CSMD3: variants seen among roughly 807,000 people sequenced by gnomAD.
CSMD3 encodes the protein CUB and sushi domain-containing protein 3.
A neutral mutation model predicts 435.2 loss-of-function variants in CSMD3; 177 were observed. That is an observed-to-expected ratio of 0.41 (90% CI 0.36 to 0.46). The LOEUF (loss-of-function observed/expected upper bound fraction) is 0.46. CSMD3 is among the 20% of genes least tolerant of loss of function. The probability of loss-of-function intolerance (pLI) is 0.34; values close to 1 mark genes in which losing one functional copy is unlikely to be tolerated. For synonymous variants in CSMD3, 1,656 were observed against 1,520.5 expected (o/e 1.09, Z -2.07); for missense variants, 4,265 against 4,504.6 (o/e 0.95, Z 1.52).
chr8:113,046,976 C>A (rs2087864651), intron 5 of CSMD3, among the ~76,000 whole-genome samples: 1 of 152,168 alleles, frequency 6.6e-6, no homozygotes. Flanking sequence ...AGCTTTTGAG[C>A]TCAGAGATGA....
At chr8:113,195,277 C>T (rs549741286) in intron 3 of CSMD3, among the ~76,000 whole-genome samples, 3 of 137,480 alleles carry the variant, frequency 2.2e-5, no homozygotes, top group East Asian at 4.3e-4. Context: ...CTTTGTATTT[C>T]AGGAAATACA....
At chr8:113,301,566 G>C (rs891861208) in intron 2 of CSMD3, among the ~76,000 whole-genome samples, 1 of 151,822 alleles carries the variant, frequency 6.6e-6, no homozygotes, top group Non-Finnish European at 1.5e-5. Flanking sequence ...GGCAGTGGCT[G>C]TGGCAAGGGT....
intron 63 of CSMD3, among the ~76,000 whole-genome samples, chr8:112,249,393 G>A (rs576716484): frequency 9.9e-5 from 15 of 152,078 alleles, no homozygotes; most frequent in African/African-American, 3.4e-4. Flanking sequence ...CCAGAGTTTC[G>A]TACTCAGTGG....
intron 51 of CSMD3, 147 bp from the exon 52 acceptor site, chr8:112,305,062 G>C: frequency 1.4e-6 from 1 of 696,808 alleles, no homozygotes; most frequent in East Asian, 2.7e-5. Context: ...TTTGCATGTT[G>C]ATATTTTCCA....
intron 10 of CSMD3, among the ~76,000 whole-genome samples, chr8:112,914,659 T>A (rs2082523392): frequency 6.6e-6 from 1 of 151,770 alleles, no homozygotes; most frequent in Non-Finnish European, 1.5e-5. Flanking sequence ...TTCTCATCAA[T>A]AATGTCTGTA....
At chr8:112,407,510 G>C (rs946047722) in intron 34 of CSMD3, among the ~76,000 whole-genome samples, 1 of 151,990 alleles carries the variant, frequency 6.6e-6, no homozygotes, top group South Asian at 2.1e-4. Context: ...CTTCTTATGC[G>C]ACTTGAGTAA....
intron 11 of CSMD3, among the ~76,000 whole-genome samples, chr8:112,846,481 C>T (rs1455075301): frequency 2.0e-5 from 3 of 151,702 alleles, no homozygotes; most frequent in Non-Finnish European, 4.4e-5. Context: ...ATAGCTCATC[C>T]ATCCTTAAAC....
At chr8:112,618,336 T>G (rs6469427) in intron 22 of CSMD3, among the ~76,000 whole-genome samples, 87,436 of 151,748 alleles carry the variant, frequency 0.58, 25,757 homozygotes, top group African/African-American at 0.69. Flanking sequence ...AAAAAGAATA[T>G]AAATATGGTT....
chr8:112,759,689 G>A (rs186866212), intron 13 of CSMD3, among the ~76,000 whole-genome samples: 102 of 152,148 alleles, frequency 6.7e-4, no homozygotes, highest in African/African-American at 2.4e-3. Flanking sequence ...ATTCAATTTG[G>A]AAACTATAAA....
chr8:112,891,114 G>A (rs2081774438), intron 10 of CSMD3, among the ~76,000 whole-genome samples: 1 of 151,430 alleles, frequency 6.6e-6, no homozygotes, highest in Non-Finnish European at 1.5e-5. Flanking sequence ...AAAGCCACAC[G>A]ACAGACCTCC....
intron 3 of CSMD3, among the ~76,000 whole-genome samples, chr8:113,200,520 G>C (rs1172475209): frequency 6.6e-6 from 1 of 151,656 alleles, no homozygotes; most frequent in African/African-American, 2.4e-5. Context: ...TCCTGGCTTA[G>C]TGCACACTAT....
At chr8:112,636,171 A>G (rs2074651345) in intron 22 of CSMD3, among the ~76,000 whole-genome samples, 1 of 152,062 alleles carries the variant, frequency 6.6e-6, no homozygotes, top group Non-Finnish European at 1.5e-5. Flanking sequence ...TATCAGTCAA[A>G]ATATTTACTT....
rs2130077716 is a variant in CSMD3 at position 112,408,982 on chromosome 8, C to T, written c.5446G>A (p.Glu1816Lys). Residue 1816 changes from glutamate to lysine, a missense_variant, in exon 33 of 71, where the codon GAG becomes AAG. Glu to Lys is a moderately conservative substitution (Grantham distance 56). Around this residue, in one of 3 missense-constraint regions of CSMD3, gnomAD observed 3,255 missense variants for 3,380.2 expected, o/e 0.96. Coordinates refer to ENST00000297405, the MANE Select transcript of CSMD3 (RefSeq NM_198123.2). ...FFQTSLHDVV[E>K]VYDGPTQQSS... is the part of the protein sequence containing the mutation. ...TGCTGAGTTGGCCCATCATACACCT[C>T]AACAACATCGTGGAGTGATGTCTGG... The T allele has an allele frequency of 6.2e-7, 1 of 1,613,524 alleles. No homozygotes were observed. The highest frequency in any genetic ancestry group is 8.5e-7 in the Non-Finnish European group (1 of 1,179,678).
At chr8:112,276,368 C>T (rs1490543104) in intron 59 of CSMD3, among the ~76,000 whole-genome samples, 1 of 152,154 alleles carries the variant, frequency 6.6e-6, no homozygotes, top group Non-Finnish European at 1.5e-5. Flanking sequence ...CGATGTATCT[C>T]CCTTTCTGGA....
chr8:113,148,944 C>T (rs1463691217), intron 4 of CSMD3, among the ~76,000 whole-genome samples: 1 of 151,630 alleles, frequency 6.6e-6, no homozygotes, highest in African/African-American at 2.4e-5. Flanking sequence ...TATGCACACA[C>T]ATACATATAT....
At chr8:112,836,649 G>T (rs928974067) in intron 11 of CSMD3, among the ~76,000 whole-genome samples, 1 of 151,796 alleles carries the variant, frequency 6.6e-6, no homozygotes, top group Non-Finnish European at 1.5e-5. Context: ...CTCACAATAC[G>T]TAGTTTGAAG....
intron 5 of CSMD3, among the ~76,000 whole-genome samples, chr8:113,096,979 T>C (rs1243977372): frequency 6.6e-6 from 1 of 152,064 alleles, no homozygotes; most frequent in Non-Finnish European, 1.5e-5. Flanking sequence ...GGGTACCTTA[T>C]TTATGTTGAT....
chr8:112,552,668 A>G lies in CSMD3; in HGVS notation c.4287T>C (p.Pro1429=). The G allele has an allele frequency of 1.2e-6, 2 of 1,611,934 alleles. No individual in the cohort carries two copies. Among genetic ancestry groups the G allele is most frequent in the Non-Finnish European group, 1.7e-6 (2 of 1,178,518 alleles). Residue 1429 remains proline, a synonymous_variant, in exon 26 of 71, where the codon CCT becomes CCC. Coordinates refer to ENST00000297405, the MANE Select transcript of CSMD3 (RefSeq NM_198123.2). ...KGESSGRILS[P]GYPFPYDNNL... ...TATTGTCATATGGAAAAGGATAGCC[A>G]GGAGATAAGATTCTTCCTGATGATT...
Position 112,250,031 on chromosome 8 carries a change from T to A in CSMD3, c.10111-2900A>T, listed in dbSNP as rs554782986. Among the ~76,000 whole-genome samples the A allele has an allele frequency of 7.9e-5, 12 of 152,156 alleles. No homozygotes were observed. In the East Asian group the frequency reaches 1.9e-3, roughly 24 times the overall value. ...TATAAAATTACTTGATTACTTAACT[T>A]TAGAATATTTAACGTCTATCAGTTC... On this transcript the variant is annotated intron_variant, in intron 63 of 70. Coordinates refer to ENST00000297405, the MANE Select transcript of CSMD3 (RefSeq NM_198123.2).
Sources: allele counts gnomAD v4.1 joint callset (sites outside exome capture counted in the v4.1 genomes callset), GRCh38; gene constraint gnomAD v4.1.1; regional missense constraint gnomAD v4.1.1; transcripts MANE v1.5; gene names NCBI Gene and HGNC (gene_info 2026-07-23, HGNC 2026-07-21).